Variants in TMC1 observed in about 807,000 individuals in gnomAD.
TMC1 encodes transmembrane channel-like protein 1.
TMC1 carries 84 observed loss-of-function variants against 105.8 expected under a neutral mutation model. That is an observed-to-expected ratio of 0.79 (90% CI 0.67 to 0.95). TMC1 has a LOEUF of 0.95. Ranked by LOEUF, TMC1 falls within the 40% of genes least tolerant of loss-of-function variation. TMC1 has a pLI of 0.00. For missense variants in TMC1, 817 were observed against 914.1 expected (o/e 0.89, Z 1.37); for synonymous variants, 315 against 311.5 (o/e 1.01, Z -0.12).
At chr9:72,641,775 G>A (rs757723612) in intron 4 of TMC1, among the ~76,000 whole-genome samples, 6 of 149,438 alleles carry the variant, frequency 4.0e-5, no homozygotes, top group African/African-American at 1.2e-4. Context: ...GTTCACTATC[G>A]GAAATAAAAA....
At chr9:72,834,948 G>A (rs563123687) in intron 23 of TMC1, among the ~76,000 whole-genome samples, 1 of 152,076 alleles carries the variant, frequency 6.6e-6, no homozygotes, top group African/African-American at 2.4e-5. Flanking sequence ...GCAAATTACT[G>A]AACGTTTCAG....
rs7036287 is a variant in TMC1 at position 72,663,943 on chromosome 9, A to G, written c.16+15279A>G. ...CAGAAACACAATACCCTAGGTCTAC[A>G]CAGGTTCTGGATCATCAATATCATT... On this transcript the variant is annotated intron_variant, in intron 5 of 23. Coordinates refer to ENST00000297784, the MANE Select transcript of TMC1 (RefSeq NM_138691.3). Among the ~76,000 whole-genome samples the G allele has an allele frequency of 9.3e-3, 1,415 of 152,276 alleles. 26 individuals are homozygous for G. Among genetic ancestry groups the G allele is most frequent in the African/African-American group, 0.032 (1,322 of 41,556 alleles).
chr9:72,642,111 C>T (rs1825638764), intron 4 of TMC1, among the ~76,000 whole-genome samples: 1 of 152,164 alleles, frequency 6.6e-6, no homozygotes, highest in African/African-American at 2.4e-5. Context: ...GCCACTGTGC[C>T]TGGCCCCAGA....
intron 1 of TMC1, among the ~76,000 whole-genome samples, chr9:72,522,152 A>ACGTTTTTTT (rs1823322641): frequency 1.5e-5 from 1 of 68,050 alleles, no homozygotes; most frequent in Non-Finnish European, 2.8e-5. Flanking sequence ...AGTAATTGAT[A>ACGTTTTTTT]AGTTTTTTTT....
intron 19 of TMC1, among the ~76,000 whole-genome samples, chr9:72,820,522 A>G (rs1828849798): frequency 6.6e-6 from 1 of 152,232 alleles, no homozygotes. Context: ...ATTAGAAGAA[A>G]GAAGTAAAAC....
chr9:72,577,777 A>G (rs1824409297), intron 1 of TMC1, 125 bp from the exon 2 acceptor site: 1 of 152,122 alleles, frequency 6.6e-6, no homozygotes, highest in Non-Finnish European at 1.5e-5. Context: ...TTGCTGAAAA[A>G]CATGCCAACT....
intron 1 of TMC1, among the ~76,000 whole-genome samples, chr9:72,532,871 G>A (rs1587941665): frequency 6.6e-6 from 1 of 152,314 alleles, no homozygotes; most frequent in East Asian, 1.9e-4. Context: ...GCCTAACAGG[G>A]GAAAGGCAAA....
chr9:72,653,397 C>T (rs1003068241), intron 5 of TMC1, among the ~76,000 whole-genome samples: 2 of 152,072 alleles, frequency 1.3e-5, no homozygotes, highest in Admixed American at 6.5e-5. Flanking sequence ...TTGAAATGTT[C>T]GTCAGTAATG....
At chr9:72,799,369 A>G (rs993374817) in intron 17 of TMC1, among the ~76,000 whole-genome samples, 2 of 152,146 alleles carry the variant, frequency 1.3e-5, no homozygotes, top group Non-Finnish European at 2.9e-5. Context: ...TTAGTCTTAT[A>G]AAATTCATAT....
chr9:72,528,610 A>G (rs1243022898), intron 1 of TMC1, among the ~76,000 whole-genome samples: 1 of 152,192 alleles, frequency 6.6e-6, no homozygotes. Flanking sequence ...CTAGGGTTAC[A>G]GATGTGAGCC....
At chr9:72,725,926 G>A (rs1479121282) in intron 8 of TMC1, among the ~76,000 whole-genome samples, 1 of 152,082 alleles carries the variant, frequency 6.6e-6, no homozygotes, top group East Asian at 1.9e-4. Flanking sequence ...TCCTGACCTC[G>A]TGATCCACCC....
At chr9:72,795,649 A>C (rs1439186495) in intron 17 of TMC1, among the ~76,000 whole-genome samples, 1 of 152,216 alleles carries the variant, frequency 6.6e-6, no homozygotes, top group East Asian at 1.9e-4. Context: ...TGAAAGGAGC[A>C]CTAAATGGAG....
At chr9:72,537,706 C>T (rs1202546012) in intron 1 of TMC1, among the ~76,000 whole-genome samples, 1 of 152,128 alleles carries the variant, frequency 6.6e-6, no homozygotes, top group Non-Finnish European at 1.5e-5. Context: ...AAACATAAAT[C>T]AATACATGCA....
intron 10 of TMC1, among the ~76,000 whole-genome samples, chr9:72,744,408 A>G (rs1827452971): frequency 6.6e-6 from 1 of 152,188 alleles, no homozygotes; most frequent in Admixed American, 6.5e-5. Flanking sequence ...CCAATCTAGG[A>G]AAAAAAGAAA....
At chr9:72,805,244 G>A in intron 17 of TMC1, 138 bp from the exon 18 acceptor site, 3 of 744,454 alleles carry the variant, frequency 4.0e-6, no homozygotes, top group Non-Finnish European at 4.6e-6. Flanking sequence ...TACTTGATAT[G>A]ACTAGTTGTT....
At chr9:72,548,671 T>A (rs1452316963) in intron 1 of TMC1, among the ~76,000 whole-genome samples, 4 of 152,032 alleles carry the variant, frequency 2.6e-5, no homozygotes, top group African/African-American at 9.7e-5. Context: ...ACTGATTGTC[T>A]ACAATTGACA....
chr9:72,683,731 TTTTATATATATATATATATATATATATA>T (rs1484686797), intron 5 of TMC1, among the ~76,000 whole-genome samples: 7 of 49,616 alleles, frequency 1.4e-4, no homozygotes, highest in Admixed American at 3.2e-4. Flanking sequence ...GAGTTACACA[TTTTATATATATATATATATATATATATA>T]TATATATATA....
At chr9:72,717,596 T>C (rs193068874) in intron 8 of TMC1, among the ~76,000 whole-genome samples, 1 of 152,228 alleles carries the variant, frequency 6.6e-6, no homozygotes, top group Non-Finnish European at 1.5e-5. Flanking sequence ...ATAATTGTTT[T>C]GTTTAAGGAG....
Position 72,820,928 on chromosome 9 carries a change from T to G in TMC1, c.1850T>G (p.Met617Arg). 1 of 1,614,204 alleles carries G rather than the reference T, an allele frequency of 6.2e-7. No individual in the cohort carries two copies. The change falls in exon 20 of 24, where the codon ATG (methionine) becomes AGG (arginine). Residue 617 changes from methionine (M) to arginine (R), a missense_variant. Physicochemically the swap from Met to Arg is moderately conservative, Grantham distance 91. Transcript: ENST00000297784. ...TSMYFQCWAV[M>R]CCNVPEARVF... Reference sequence around the variant, plus strand: ...ATGTACTTCCAGTGCTGGGCCGTTATGTGCTGCAATGTTCCTGAGGCCAGG... The same window carrying G: ...ATGTACTTCCAGTGCTGGGCCGTTAGGTGCTGCAATGTTCCTGAGGCCAGG...
Sources: gnomAD v4.1 joint callset for allele counts (sites outside exome capture counted in the v4.1 genomes callset) on GRCh38, gnomAD v4.1.1 for gene constraint, MANE v1.5 for transcripts, NCBI Gene and HGNC (gene_info 2026-07-23, HGNC 2026-07-21) for gene names.